Variants in THRAP3 observed in about 807,000 individuals in gnomAD.
THRAP3 encodes the protein thyroid hormone receptor associated protein 3, also known as thyroid hormone receptor-associated protein 3.
In THRAP3, 16 loss-of-function variants were observed where a neutral mutation model predicts 101.0. The observed-to-expected ratio is 0.16, with a 90% CI of 0.11 to 0.24. THRAP3 has a LOEUF of 0.24. Ranked by LOEUF, THRAP3 falls within the 10% of genes least tolerant of loss-of-function variation. THRAP3 has a pLI of 1.00. For missense variants in THRAP3, 989 were observed against 1,202.7 expected (o/e 0.82, Z 2.63); for synonymous variants, 407 against 422.6 (o/e 0.96, Z 0.45).
At chr1:36,221,708 C>G (rs774482606), upstream of THRAP3, among the ~76,000 whole-genome samples, 6 of 152,022 alleles carry the variant, frequency 3.9e-5, no homozygotes, top group South Asian at 2.1e-4. Flanking sequence ...CTCAACATCC[C>G]GAGTAGCTGG....
the THRAP3 span, among the ~76,000 whole-genome samples, chr1:36,216,728 G>A: frequency 1.3e-5 from 2 of 152,058 alleles, no homozygotes; most frequent in African/African-American, 4.8e-5. Context: ...GCAGTGAGCT[G>A]TGATCACGCC....
intron 1 of THRAP3, among the ~76,000 whole-genome samples, chr1:36,226,432 G>T (rs1051297898): frequency 6.6e-6 from 1 of 152,096 alleles, no homozygotes; most frequent in Non-Finnish European, 1.5e-5. Context: ...GCTCATTTTT[G>T]TATTTGTAGT....
rs34782789 is a variant in THRAP3, at chr1:36,271,591, CTTTTTTTTTTT to C, written c.-31-10929_-31-10919del. 2.3e-4 allele frequency among the ~76,000 whole-genome samples: 14 copies of C among 60,124 alleles called. No individual in the cohort carries two copies. In the South Asian group the frequency reaches 2.6e-3, roughly 11 times the overall value. 39.4% of individuals were successfully genotyped at this position (60,124 alleles called of 152,430 possible). ...CCACTGTGCCCAGGCTTTTTCTTAT[CTTTTTTTTTTT>C]TTTTTTTTTTTTGAGATGCAGTCTC... On this transcript the variant is annotated intron_variant, in intron 2 of 11. Coordinates refer to ENST00000354618, the MANE Select transcript of THRAP3 (RefSeq NM_005119.4).
At chr1:36,283,840 C>A (rs1414831227) in intron 3 of THRAP3, among the ~76,000 whole-genome samples, 2 of 151,950 alleles carry the variant, frequency 1.3e-5, no homozygotes, top group Non-Finnish European at 2.9e-5. Flanking sequence ...TGTTTTTTTA[C>A]CATTTAACAA....
chr1:36,301,746 G>T, intron 11 of THRAP3, 50 bp downstream of exon 11: 1 of 1,568,800 alleles, frequency 6.4e-7, no homozygotes, highest in South Asian at 1.2e-5. Flanking sequence ...TTGACACACA[G>T]AGTAGCTGAT....
At chr1:36,229,400 GTTTTTTTTTTT>G (rs1384816602) in intron 1 of THRAP3, among the ~76,000 whole-genome samples, 204 of 102,694 alleles carry the variant, frequency 2.0e-3, no homozygotes, top group African/African-American at 4.3e-3. Flanking sequence ...CTGGTCTACA[GTTTTTTTTTTT>G]GTTTTTTTTT....
intron 2 of THRAP3, among the ~76,000 whole-genome samples, chr1:36,273,861 C>T (rs1337124376): frequency 6.6e-6 from 1 of 151,854 alleles, no homozygotes; most frequent in Non-Finnish European, 1.5e-5. Flanking sequence ...GCCAACATGG[C>T]GAAACCCCAT....
chr1:36,224,959 C>A (rs183429492), intron 1 of THRAP3: 2 of 152,414 alleles, frequency 1.3e-5, no homozygotes, highest in African/African-American at 4.8e-5. Flanking sequence ...GTACCGCTTC[C>A]GTTCTTTCCA....
At chr1:36,209,675 T>C in the THRAP3 span, among the ~76,000 whole-genome samples, 2 of 152,200 alleles carry the variant, frequency 1.3e-5, no homozygotes, top group Admixed American at 6.5e-5. Flanking sequence ...CTCTTGCTTC[T>C]GATGCAAGAG....
At chr1:36,210,809 G>C in the THRAP3 span, among the ~76,000 whole-genome samples, 238 of 137,966 alleles carry the variant, frequency 1.7e-3, 1 homozygote, top group Admixed American at 6.0e-3. Flanking sequence ...ATTTATCTGT[G>C]CACTGGAATC....
intron 2 of THRAP3, among the ~76,000 whole-genome samples, chr1:36,281,482 A>G (rs956135095): frequency 1.3e-5 from 2 of 151,734 alleles, no homozygotes; most frequent in Admixed American, 6.6e-5. Flanking sequence ...CAGGTTTTCC[A>G]TTTGCTGCTG....
chr1:36,238,410 T>C (rs1015384162), intron 1 of THRAP3, among the ~76,000 whole-genome samples: 1 of 152,210 alleles, frequency 6.6e-6, no homozygotes, highest in Non-Finnish European at 1.5e-5. Flanking sequence ...GAAAAATCTT[T>C]TTTGATTCGT....
rs912413106 is a variant in THRAP3 at position 36,305,348 on chromosome 1, C to T, written c.*1331C>T. On this transcript the variant is annotated 3_prime_UTR_variant, in exon 12 of 12. Coordinates refer to ENST00000354618, the MANE Select transcript of THRAP3 (RefSeq NM_005119.4). Reference sequence around the variant, plus strand: ...CCTGCAAATAAAATAAATGAAGTGGCAGATGTAAACGGGTTCTGTTCATTG... The same window carrying T: ...CCTGCAAATAAAATAAATGAAGTGGTAGATGTAAACGGGTTCTGTTCATTG... The T allele has an allele frequency of 3.7e-4, 68 of 184,696 alleles. No homozygotes were observed. Among genetic ancestry groups the T allele is most frequent in the Non-Finnish European group, 4.7e-4 (41 of 87,080 alleles). The allele number at this position is 184,696 out of a possible 1,614,324, so 11.4% of individuals were successfully genotyped here. A position where few individuals can be genotyped will look rare whatever the true frequency, so the allele number is the denominator to read the frequency against.
chr1:36,235,868 G>C (rs1645081615), intron 1 of THRAP3, among the ~76,000 whole-genome samples: 1 of 152,144 alleles, frequency 6.6e-6, no homozygotes, highest in Non-Finnish European at 1.5e-5. Flanking sequence ...AGGTAGAAAA[G>C]AGATGGAGAC....
At chr1:36,240,237 C>T (rs148088298) in intron 1 of THRAP3, among the ~76,000 whole-genome samples, 51 of 152,220 alleles carry the variant, frequency 3.4e-4, no homozygotes, top group African/African-American at 1.1e-3. Flanking sequence ...AAGCTGGTCA[C>T]GTGGCTCAGT....
intron 8 of THRAP3, 73 bp downstream of exon 8, chr1:36,294,008 G>T: frequency 6.3e-7 from 1 of 1,576,214 alleles, no homozygotes; most frequent in Non-Finnish European, 8.7e-7. Context: ...AAATGTGTTT[G>T]TTTAAATTAC....
At chr1:36,227,584 A>G (rs1244843270) in intron 1 of THRAP3, among the ~76,000 whole-genome samples, 5 of 152,094 alleles carry the variant, frequency 3.3e-5, no homozygotes, top group Admixed American at 6.6e-5. Context: ...CGCCCAGCCT[A>G]CAACAGATGG....
chr1:36,226,850 G>A (rs1011911438), intron 1 of THRAP3, among the ~76,000 whole-genome samples: 4 of 152,158 alleles, frequency 2.6e-5, no homozygotes, highest in Admixed American at 1.3e-4. Flanking sequence ...GATGACAGAT[G>A]AGGTCTTGTC....
chr1:36,298,239 T>C (rs1025732323), intron 9 of THRAP3, among the ~76,000 whole-genome samples: 8 of 152,032 alleles, frequency 5.3e-5, no homozygotes, highest in Non-Finnish European at 1.0e-4. Context: ...GTGTTACTTA[T>C]GCATTAGGAG....
Sources: allele counts gnomAD v4.1 joint callset (sites outside exome capture counted in the v4.1 genomes callset), GRCh38; gene constraint gnomAD v4.1.1; transcripts MANE v1.5; gene names NCBI Gene and HGNC (gene_info 2026-07-23, HGNC 2026-07-21).